Variants in STMND1 observed in about 807,000 individuals in gnomAD.
STMND1 encodes the protein stathmin domain-containing protein 1.
In STMND1, 17 loss-of-function variants were observed where a neutral mutation model predicts 23.0. The observed-to-expected ratio is 0.74, with a 90% CI of 0.51 to 1.11. The LOEUF (loss-of-function observed/expected upper bound fraction) is 1.11, where lower values mean the gene tolerates loss of function less well. Ranked by LOEUF, STMND1 falls within the 50% of genes least tolerant of loss-of-function variation. STMND1 has a pLI of 0.00. For missense variants in STMND1, 305 were observed against 329.1 expected (o/e 0.93, Z 0.57); for synonymous variants, 114 against 119.9 (o/e 0.95, Z 0.32).
Position 17,126,052 on chromosome 6 carries a change from ATATATATATATATATATATTTTT to A in STMND1, c.412-3058_412-3036del, listed in dbSNP as rs1761292465. On this transcript the variant is annotated intron_variant, in intron 3 of 4. Coordinates refer to ENST00000536551, the MANE Select transcript of STMND1 (RefSeq NM_001190766.2). ...CATTGTTTTATATATATATATATAT[ATATATATATATATATATATTTTT>A]TTTTTTTTTTTTTTTTTTTTTTTAA... Among the ~76,000 whole-genome samples the A allele has an allele frequency of 1.0e-4, 3 of 29,448 alleles. No homozygotes were observed. The Admixed American group carries it at 1.3e-3, about 12-fold the overall frequency. The allele number at this position is 29,448 out of a possible 152,430, so 19.3% of individuals were successfully genotyped here.
At chr6:17,102,679 A>G (rs1392020098) in intron 1 of STMND1, among the ~76,000 whole-genome samples, 2 of 152,198 alleles carry the variant, frequency 1.3e-5, no homozygotes, top group Admixed American at 1.3e-4. Context: ...GATGAGCAGC[A>G]TGTTCTGCAC....
At chr6:17,109,302 T>C (rs1428606684) in intron 1 of STMND1, among the ~76,000 whole-genome samples, 1 of 152,188 alleles carries the variant, frequency 6.6e-6, no homozygotes, top group African/African-American at 2.4e-5. Context: ...TGAACTGATA[T>C]TGGTTTAGCT....
chr6:17,109,910 A>T (rs1761075125), intron 1 of STMND1, among the ~76,000 whole-genome samples: 1 of 152,226 alleles, frequency 6.6e-6, no homozygotes, highest in African/African-American at 2.4e-5. Context: ...CCTACACAGG[A>T]TTCCTGTCGC....
chr6:17,114,268 T>C (rs1359528377), intron 1 of STMND1, among the ~76,000 whole-genome samples: 1 of 149,786 alleles, frequency 6.7e-6, no homozygotes, highest in Non-Finnish European at 1.5e-5. Context: ...AGATTCTCTT[T>C]TTTTTTTTTT....
At chr6:17,102,511 C>A (rs918120012) in intron 1 of STMND1, among the ~76,000 whole-genome samples, 173 bp downstream of exon 1, 9 of 152,234 alleles carry the variant, frequency 5.9e-5, no homozygotes, top group East Asian at 3.9e-4. Flanking sequence ...CTGTCTTAAC[C>A]GGGACTAGAC....
At chr6:17,115,369 C>CT (rs1013252309) in intron 2 of STMND1, among the ~76,000 whole-genome samples, 11 of 103,608 alleles carry the variant, frequency 1.1e-4, no homozygotes, top group Non-Finnish European at 1.8e-4. Flanking sequence ...TTAGGACCAT[C>CT]TTTAAAAAAA....
intron 3 of STMND1, among the ~76,000 whole-genome samples, chr6:17,121,846 A>G (rs930442589): frequency 1.3e-5 from 2 of 151,710 alleles, no homozygotes; most frequent in Non-Finnish European, 2.9e-5. Context: ...TAGCTTGGCT[A>G]AAGTCTAGAG....
chr6:17,114,083 A>G (rs1472154758), intron 1 of STMND1, among the ~76,000 whole-genome samples: 4 of 152,146 alleles, frequency 2.6e-5, no homozygotes, highest in African/African-American at 9.7e-5. Flanking sequence ...GGATGACTCT[A>G]CAGCATTACA....
intron 1 of STMND1, among the ~76,000 whole-genome samples, chr6:17,104,544 G>C (rs1378382298): frequency 6.6e-6 from 1 of 152,096 alleles, no homozygotes; most frequent in Non-Finnish European, 1.5e-5. Context: ...GGGTTCCTGG[G>C]TTTCTACCTA....
At chr6:17,104,716 T>C (rs1033504492) in intron 1 of STMND1, among the ~76,000 whole-genome samples, 8 of 152,232 alleles carry the variant, frequency 5.3e-5, no homozygotes, top group African/African-American at 1.9e-4. Flanking sequence ...AATCTGATTA[T>C]CTCAGTCCTC....
chr6:17,128,974 A>C (rs1761347081), intron 3 of STMND1, 138 bp from the exon 4 acceptor site: 1 of 853,588 alleles, frequency 1.2e-6, no homozygotes, highest in African/African-American at 1.7e-5. Flanking sequence ...TGGCCTCCCA[A>C]AGTGCCGGGA....
intron 3 of STMND1, chr6:17,128,874 G>T: frequency 2.9e-6 from 1 of 342,326 alleles, no homozygotes; most frequent in Non-Finnish European, 5.5e-6. Context: ...CACCATGCCT[G>T]GCTAATTTTT....
At chr6:17,106,966 T>C (rs1761033234) in intron 1 of STMND1, among the ~76,000 whole-genome samples, 2 of 152,178 alleles carry the variant, frequency 1.3e-5, no homozygotes, top group Non-Finnish European at 2.9e-5. Flanking sequence ...TTGCCTGTTA[T>C]AAAAGAGGAG....
rs1003860362 is a variant in STMND1 at position 17,102,317 on chromosome 6, G to A, written c.60G>A (p.Lys20=). 3.9e-6 allele frequency: 6 copies of A among 1,535,850 alleles called. No individual in the cohort carries two copies. In the African/African-American group the frequency reaches 6.8e-5, roughly 18 times the overall value. ...EDRRRVRAPK[K]GWKEEFKADV... ...GGAGACGTGTACGCGCGCCCAAGAA[G>A]GGCTGGAAAGAGGAATTCAAGGTAA... is the stretch of plus-strand genomic sequence containing the variant. Residue 20 remains lysine, a synonymous_variant, in exon 1 of 5, where the codon AAG becomes AAA. Coordinates refer to ENST00000536551, the MANE Select transcript of STMND1 (RefSeq NM_001190766.2).
chr6:17,118,608 A>G (rs1761189702), intron 2 of STMND1, among the ~76,000 whole-genome samples: 1 of 152,260 alleles, frequency 6.6e-6, no homozygotes, highest in African/African-American at 2.4e-5. Context: ...AACTCCAAAA[A>G]GAATGGATCA....
chr6:17,130,681 G>A lies in STMND1; in HGVS notation c.631G>A (p.Ala211Thr), dbSNP rs1355373954. 1 of 1,536,058 alleles carries A rather than the reference G, an allele frequency of 6.5e-7. No homozygotes were observed. Among genetic ancestry groups the A allele is most frequent in the Admixed American group, 2.0e-5 (1 of 50,994 alleles). Residue 211 changes from alanine to threonine, a missense_variant, in exon 5 of 5, where the codon GCC becomes ACC. Ala to Thr is a moderately conservative substitution (Grantham distance 58). Coordinates refer to ENST00000536551, the MANE Select transcript of STMND1 (RefSeq NM_001190766.2). ...NHSDSAELDG[A>T]EVAFAKGLQR... ...CTCAGATTCAGCTGAATTAGATGGG[G>A]CCGAGGTTGCATTTGCCAAAGGACT...
intron 3 of STMND1, among the ~76,000 whole-genome samples, chr6:17,124,159 A>G (rs1761266463): frequency 6.6e-6 from 1 of 152,234 alleles, no homozygotes; most frequent in African/African-American, 2.4e-5. Context: ...AGCAGTTACT[A>G]CAATGTGGTA....
Position 17,130,885 on chromosome 6 carries a change from AT to A in STMND1, c.*10del. ...AGCAGATGACATAGTCTACTAAGCC[AT>A]TTTTTGTGAATTTCATAAGAAAGCA... On this transcript the variant is annotated 3_prime_UTR_variant, in exon 5 of 5. Coordinates refer to ENST00000536551, the MANE Select transcript of STMND1 (RefSeq NM_001190766.2). The A allele has an allele frequency of 6.7e-7, 1 of 1,497,884 alleles. No individual in the cohort carries two copies. Among genetic ancestry groups the A allele is most frequent in the South Asian group, 1.3e-5 (1 of 79,144 alleles). The allele number at this position is 1,497,884 out of a possible 1,614,324, so 92.8% of individuals were successfully genotyped here.
chr6:17,105,242 T>C (rs1761006954), intron 1 of STMND1, among the ~76,000 whole-genome samples: 2 of 152,216 alleles, frequency 1.3e-5, no homozygotes, highest in South Asian at 4.1e-4. Context: ...ACTGTACTTA[T>C]TTTGTAGAGT....
Sources: allele counts gnomAD v4.1 joint callset (sites outside exome capture counted in the v4.1 genomes callset), GRCh38; gene constraint gnomAD v4.1.1; transcripts MANE v1.5; gene names NCBI Gene and HGNC (gene_info 2026-07-23, HGNC 2026-07-21).